MYBPC3: variants seen among roughly 807,000 people sequenced by gnomAD.
The protein encoded by MYBPC3 is myosin-binding protein C, cardiac-type.
In MYBPC3, 108 loss-of-function variants were observed where a neutral mutation model predicts 159.3. That is an observed-to-expected ratio of 0.68 (90% CI 0.58 to 0.80). The LOEUF (loss-of-function observed/expected upper bound fraction) is 0.80, where lower values mean the gene tolerates loss of function less well. Among genes scored for constraint, MYBPC3 ranks in the 30% least tolerant of loss-of-function variants. The pLI is 0.00. For synonymous variants in MYBPC3, 730 were observed against 702.0 expected, an observed-to-expected ratio of 1.04 and a Z score of -0.63; for missense variants, 1,631 against 1,762.1, an observed-to-expected ratio of 0.93 and a Z score of 1.33.
At chr11:47,350,443 A>T in intron 3 of MYBPC3, 59 bp downstream of exon 3, 1 of 1,530,932 alleles carries the variant, frequency 6.5e-7, no homozygotes, top group South Asian at 1.2e-5. Context: ...GGCTTTTGAG[A>T]CCTGCCCTGG....
At position 47,341,164 on chromosome 11, in the gene MYBPC3, T is replaced by C. The variant is rs772032697; in HGVS notation, c.1871A>G (p.Asn624Ser). Residue 624 changes from asparagine to serine, a missense_variant, in exon 19 of 35, where the codon AAC (asparagine) becomes AGC (serine). Transcript: ENST00000545968. The part of the protein sequence containing the change: ...YSFVPEGFAC[N>S]LSAKLHFMEV... ...CATGAAGTGGAGCTTGGCTGACAGG[T>C]TGCAGGCGAAGCCCTCGGGCACAAA... 5 of 1,593,856 alleles carry C rather than the reference T, an allele frequency of 3.1e-6. No homozygotes were observed. In the South Asian group the frequency reaches 5.7e-5, roughly 18 times the overall value.
At chr11:47,337,286 T>C (rs1465304828) in intron 25 of MYBPC3, 105 bp downstream of exon 25, 1 of 1,228,946 alleles carries the variant, frequency 8.1e-7, no homozygotes, top group Admixed American at 2.5e-5. Flanking sequence ...GAAAGGAGAC[T>C]GTGGATGTGA....
rs527895892 is a variant in MYBPC3 at position 47,349,946 on chromosome 11, C to T, written c.506-24G>A. On this transcript the variant is annotated intron_variant, in intron 4 of 34. Coordinates refer to ENST00000545968, the MANE Select transcript of MYBPC3 (RefSeq NM_000256.3). ...ACCTGCAAAGGCAGGGGCGACAGGC[C>T]CGGCTTGGGGAGTGTCCTGCTGCCC... 3.2e-5 allele frequency: 50 copies of T among 1,579,496 alleles called. 1 individual carries two copies. The Middle Eastern group carries it at 2.5e-3, about 80-fold the overall frequency.
At position 47,343,535 on chromosome 11, in the gene MYBPC3, C is replaced by T. The variant is rs749000345; in HGVS notation, c.1180G>A (p.Val394Ile). 6.2e-7 allele frequency: 1 copy of T among 1,608,120 alleles called. No homozygotes were observed. Among genetic ancestry groups the T allele is most frequent in the Non-Finnish European group, 8.5e-7 (1 of 1,177,322 alleles). The change falls in exon 13 of 35, where the codon GTC (valine) becomes ATC (isoleucine). Residue 394 changes from valine (V) to isoleucine (I), a missense_variant. Coordinates refer to ENST00000545968, the MANE Select transcript of MYBPC3 (RefSeq NM_000256.3). Reference protein sequence around the residue: ...TVELADHDAEVKWLKNGQEIQ... With the variant: ...TVELADHDAEIKWLKNGQEIQ... The stretch of plus-strand genomic sequence containing the variant: ...TCCTGGCCATTCTTGAGCCATTTGA[C>T]CTCAGCGTCATGGTCAGCCAGTTCC...
chr11:47,342,251 C>A, intron 17 of MYBPC3, 95 bp from the exon 18 acceptor site: 1 of 1,457,994 alleles, frequency 6.9e-7, no homozygotes. Context: ...CGCTGGTGCG[C>A]ACGTGTCTGG....
rs377106864 is a variant in MYBPC3 at position 47,333,208 on chromosome 11, C to A, written c.3316G>T (p.Asp1106Tyr). 2 of 1,601,420 alleles carry A rather than the reference C, an allele frequency of 1.2e-6. No homozygotes were observed. Among genetic ancestry groups the A allele is most frequent in the Admixed American group, 3.4e-5 (2 of 58,446 alleles). Residue 1106 changes from aspartate (D) to tyrosine (Y), a missense_variant, in exon 30 of 35, where the codon GAC (aspartate) becomes TAC (tyrosine). By Grantham distance (160) the Asp-to-Tyr change is radical. Coordinates refer to ENST00000545968, the MANE Select transcript of MYBPC3 (RefSeq NM_000256.3). ...ELWGYTVQKA[D>Y]KKTMEWFTVL... ...CCTGGGCTCACCATGGTCTTCTTGT[C>A]GGCTTTCTGCACTGTGTACCCCCAG...
Position 47,333,958 on chromosome 11 carries a change from C to T in MYBPC3, c.2958G>A (p.Lys986=). 6.3e-7 allele frequency: 1 copy of T among 1,584,784 alleles called. No homozygotes were observed. Among genetic ancestry groups the T allele is most frequent in the Non-Finnish European group, 8.6e-7 (1 of 1,165,762 alleles). Residue 986 remains lysine, a synonymous_variant, in exon 28 of 35, where the codon AAG becomes AAA. Transcript: ENST00000545968. The stretch of plus-strand genomic sequence containing the variant: ...TGAGAAGGTTCACAGGCTCCCCGAC[C>T]TTCTTCTGAATGGTCTGGCGCAGGT... The part of the protein sequence containing the change: ...PRHLRQTIQK[K]VGEPVNLLIP...
chr11:47,333,186 G>A lies in MYBPC3; in HGVS notation c.3330+8C>T. ...GGTGCACGTGGGGACCCCAGACCCTGGGCTCACCATGGTCTTCTTGTCGGC... is the reference window on the plus strand; with the variant it reads ...GGTGCACGTGGGGACCCCAGACCCTAGGCTCACCATGGTCTTCTTGTCGGC... On this transcript the variant is annotated splice_region_variant and intron_variant, in intron 30 of 34. Coordinates refer to ENST00000545968, the MANE Select transcript of MYBPC3 (RefSeq NM_000256.3). 2 of 1,601,394 alleles carry A rather than the reference G, an allele frequency of 1.2e-6. No homozygotes were observed. Among genetic ancestry groups the A allele is most frequent in the African/African-American group, 1.3e-5 (1 of 74,886 alleles).
chr11:47,342,235 C>T, intron 17 of MYBPC3, 79 bp from the exon 18 acceptor site: 1 of 1,530,772 alleles, frequency 6.5e-7, no homozygotes, highest in Non-Finnish European at 8.8e-7. Flanking sequence ...CGTGTGGGCC[C>T]ATGGGCGCTG....
chr11:47,349,767 G>A lies in MYBPC3; in HGVS notation c.654+7C>T. ...TCTCCGTGTCTCCACGACCCCGGTG[G>A]ACCCACCTTGCTGGCGCGGTCGTAG... On this transcript the variant is annotated splice_region_variant and intron_variant, in intron 5 of 34. Coordinates refer to ENST00000545968, the MANE Select transcript of MYBPC3 (RefSeq NM_000256.3). 1 of 1,602,394 alleles carries A rather than the reference G, an allele frequency of 6.2e-7. No homozygotes were observed. Among genetic ancestry groups the A allele is most frequent in the South Asian group, 1.1e-5 (1 of 90,616 alleles).
Position 47,343,640 on chromosome 11 carries a change from C to A in MYBPC3, c.1091-16G>T. 6.3e-7 allele frequency: 1 copy of A among 1,594,824 alleles called. No individual in the cohort carries two copies. The highest frequency in any genetic ancestry group is 8.5e-7 in the Non-Finnish European group (1 of 1,171,098). On this transcript the variant is annotated splice_polypyrimidine_tract_variant and intron_variant, in intron 12 of 34. Coordinates refer to ENST00000545968, the MANE Select transcript of MYBPC3 (RefSeq NM_000256.3). ...TTCTGAAAGGCTGAGCACCACCCCT[C>A]AGCCCCGGCCACCCCACCGCCCGCA...
In MYBPC3 at chr11:47,347,042, A is replaced by G. The variant is rs730881219; in HGVS notation, c.906-13T>C. The stretch of plus-strand genomic sequence containing the variant: ...CGATTCTTACTCTCTGGGCCACAGC[A>G]GCAGCAGCCATAATGGAGGGGCCGG... On this transcript the variant is annotated splice_polypyrimidine_tract_variant and intron_variant, in intron 9 of 34. Coordinates refer to ENST00000545968, the MANE Select transcript of MYBPC3 (RefSeq NM_000256.3). The G allele has an allele frequency of 4.9e-6, 4 of 814,342 alleles. No homozygotes were observed. Among genetic ancestry groups the G allele is most frequent in the Non-Finnish European group, 8.6e-6 (4 of 462,860 alleles). 50.4% of individuals were successfully genotyped at this position (814,342 alleles called of 1,614,324 possible).
chr11:47,333,802 G>C (rs1243476672), intron 28 of MYBPC3, 50 bp from the exon 29 acceptor site: 1 of 1,553,396 alleles, frequency 6.4e-7, no homozygotes, highest in East Asian at 2.3e-5. Flanking sequence ...CCAAGGGCCG[G>C]CCGCCACCCC....
At position 47,339,381 on chromosome 11, in the gene MYBPC3, T is replaced by A; in HGVS notation, c.2091A>T (p.Pro697=). ...ITQGNKAPAR[P]APDAPEDTGD... Reference sequence around the variant, plus strand: ...CTGTGTCCTCTGGGGCATCTGGGGCTGGCCTGGCTGGGGCCTTATTCCCCT... The same window carrying A: ...CTGTGTCCTCTGGGGCATCTGGGGCAGGCCTGGCTGGGGCCTTATTCCCCT... The change falls in exon 22 of 35, where the codon CCA becomes CCT. Residue 697 remains proline (P), a synonymous_variant. Transcript: ENST00000545968. 1 of 1,614,030 alleles carries A rather than the reference T, an allele frequency of 6.2e-7. No individual in the cohort carries two copies. The highest frequency in any genetic ancestry group is 8.5e-7 in the Non-Finnish European group (1 of 1,179,882).
chr11:47,348,883 C>G (rs534544688), intron 5 of MYBPC3, among the ~76,000 whole-genome samples: 1 of 43,368 alleles, frequency 2.3e-5, no homozygotes, highest in Non-Finnish European at 5.4e-5. Context: ...CCAGCCTGAG[C>G]GACAGAGCGA....
At position 47,337,775 on chromosome 11, in the gene MYBPC3, C is replaced by A; in HGVS notation, c.2328G>T (p.Ala776=). 1 of 1,552,340 alleles carries A rather than the reference C, an allele frequency of 6.4e-7. No individual in the cohort carries two copies. Among genetic ancestry groups the A allele is most frequent in the Admixed American group, 2.0e-5 (1 of 51,134 alleles). Reference sequence around the variant, plus strand: ...CTCCCACGTTGCTGATCTTGGGGGCCGCAGGTGCGTCTGGCACGTCTGGAT... The same window carrying A: ...CTCCCACGTTGCTGATCTTGGGGGCAGCAGGTGCGTCTGGCACGTCTGGAT... ...VKVIDVPDAP[A]APKISNVGED... The change falls in exon 24 of 35, where the codon GCG becomes GCT. Residue 776 remains alanine, a synonymous_variant. Coordinates refer to ENST00000545968, the MANE Select transcript of MYBPC3 (RefSeq NM_000256.3).
At position 47,336,013 on chromosome 11, in the gene MYBPC3, TG is replaced by T; in HGVS notation, c.2603-3del. 1 of 1,510,480 alleles carries T rather than the reference TG, an allele frequency of 6.6e-7. No homozygotes were observed. Among genetic ancestry groups the T allele is most frequent in the Middle Eastern group, 2.5e-4 (1 of 4,076 alleles). 93.6% of individuals were successfully genotyped at this position (1,510,480 alleles called of 1,614,324 possible). Reference sequence around the variant, plus strand: ...GGTGGGTGGGTTCGCTGGGGGGACCTGGGCAGAGGAGAGGTCAGAGAGGGGT... The same window carrying T: ...GGTGGGTGGGTTCGCTGGGGGGACCTGGCAGAGGAGAGGTCAGAGAGGGGT... On this transcript the variant is annotated splice_region_variant and splice_polypyrimidine_tract_variant and intron_variant, in intron 25 of 34. Transcript: ENST00000545968.
chr11:47,333,026 C>A, intron 30 of MYBPC3, 53 bp from the exon 31 acceptor site: 1 of 1,568,488 alleles, frequency 6.4e-7, no homozygotes, highest in South Asian at 1.2e-5. Flanking sequence ...TTCCTGATGC[C>A]GAGAGCCTCT....
At position 47,339,778 on chromosome 11, in the gene MYBPC3, A is replaced by G; in HGVS notation, c.1940T>C (p.Ile647Thr). The G allele has an allele frequency of 6.2e-7, 1 of 1,613,546 alleles. No homozygotes were observed. The highest frequency in any genetic ancestry group is 1.7e-5 in the Admixed American group (1 of 59,998). The change falls in exon 21 of 35, where the codon ATC becomes ACC. Residue 647 changes from isoleucine to threonine, a missense_variant. Physicochemically the swap from Ile to Thr is moderately conservative, Grantham distance 89 (BLOSUM62 -1). Coordinates refer to ENST00000545968, the MANE Select transcript of MYBPC3 (RefSeq NM_000256.3). ...DFVPRQEPPK[I>T]HLDCPGRIPD... ...TATGCGGCCTGGGCAGTCCAGGTGG[A>G]TCTTGGGAGGTTCTGCAGAAGACAC...
Sources: allele counts gnomAD v4.1 joint callset (sites outside exome capture counted in the v4.1 genomes callset), GRCh38; gene constraint gnomAD v4.1.1; transcripts MANE v1.5; gene names NCBI Gene and HGNC (gene_info 2026-07-23, HGNC 2026-07-21).